Variants in RGPD4 observed in about 807,000 individuals in gnomAD.
The protein encoded by RGPD4 is RANBP2 like and GRIP domain containing 4, also known as ranBP2-like and GRIP domain-containing protein 4.
RGPD4 carries 84 observed loss-of-function variants against 141.1 expected under a neutral mutation model. That is an observed-to-expected ratio of 0.60 (90% confidence interval 0.50 to 0.71). The LOEUF is 0.71. Ranked by LOEUF, RGPD4 falls within the 30% of genes least tolerant of loss-of-function variation. The pLI, the probability that RGPD4 is intolerant of heterozygous loss-of-function variation, is 0.00. For synonymous variants in RGPD4, 298 were observed against 566.8 expected, an observed-to-expected ratio of 0.53 and a Z score of 6.74; for missense variants, 918 against 1,622.4, an observed-to-expected ratio of 0.57 and a Z score of 7.46.
At chr2:107,833,970 G>A (rs959161803) in intron 1 of RGPD4, among the ~76,000 whole-genome samples, 9 of 151,140 alleles carry the variant, frequency 6.0e-5, no homozygotes, top group Middle Eastern at 3.2e-3. Flanking sequence ...TCGAGCCACC[G>A]CACTCCAGCC....
intron 1 of RGPD4, among the ~76,000 whole-genome samples, chr2:107,831,895 T>C (rs1341888692): frequency 1.5e-5 from 2 of 135,188 alleles, no homozygotes; most frequent in Non-Finnish European, 3.2e-5. Flanking sequence ...CTGTACTGGC[T>C]ATTATGCTCC....
Position 107,872,769 on chromosome 2 carries a change from G to A in RGPD4, c.4765G>A (p.Ala1589Thr), listed in dbSNP as rs190948032. 1.7e-5 allele frequency: 27 copies of A among 1,611,388 alleles called. No homozygotes were observed. Among genetic ancestry groups the A allele is most frequent in the Non-Finnish European group, 2.2e-5 (26 of 1,179,840 alleles). ...TAACAACAGTGAAACTAGTTCAGTA[G>A]CCCAGAGTGGATCTGAAAGCAAAGT... ...KSNNSETSSV[A>T]QSGSESKVEP... The change falls in exon 20 of 23, where the codon GCC (alanine) becomes ACC (threonine). Residue 1589 changes from alanine (A) to threonine (T), a missense_variant. Coordinates refer to ENST00000408999, the MANE Select transcript of RGPD4 (RefSeq NM_182588.3).
At chr2:107,857,637 G>A (rs540425782) in intron 9 of RGPD4, among the ~76,000 whole-genome samples, 1 of 151,674 alleles carries the variant, frequency 6.6e-6, no homozygotes, top group East Asian at 1.9e-4. Context: ...GTCTCCCTTT[G>A]TTGCCCAGGC....
At chr2:107,865,317 T>A (rs1323790586) in intron 17 of RGPD4, among the ~76,000 whole-genome samples, 1 of 152,254 alleles carries the variant, frequency 6.6e-6, no homozygotes, top group East Asian at 1.9e-4. Context: ...CAGCTACTAC[T>A]TTTTTCCCTT....
chr2:107,884,845 T>G (rs931897760), intron 22 of RGPD4, among the ~76,000 whole-genome samples: 1 of 152,208 alleles, frequency 6.6e-6, no homozygotes, highest in African/African-American at 2.4e-5. Flanking sequence ...TTCTGCATTT[T>G]TAGCAATTTG....
intron 8 of RGPD4, among the ~76,000 whole-genome samples, chr2:107,856,081 T>G (rs1192630530): frequency 7.4e-6 from 1 of 135,896 alleles, no homozygotes. Context: ...CCTGAGACAG[T>G]CTTACTCTGT....
chr2:107,871,781 G>A lies in RGPD4; in HGVS notation c.3777G>A (p.Leu1259=), dbSNP rs771349971. ...WDNCDLREDA[L]DDSVSSSSVH... ...ACTGTGATTTAAGGGAAGATGCTTT[G>A]GATGATAGTGTCAGTAGTAGCTCAG... Residue 1259 remains leucine (L), a synonymous_variant, in exon 20 of 23, where the codon TTG becomes TTA. Coordinates refer to ENST00000408999, the MANE Select transcript of RGPD4 (RefSeq NM_182588.3). 1 of 1,611,460 alleles carries A rather than the reference G, an allele frequency of 6.2e-7. No individual in the cohort carries two copies.
intron 21 of RGPD4, among the ~76,000 whole-genome samples, chr2:107,881,203 A>G (rs1675352850): frequency 6.6e-6 from 1 of 150,660 alleles, no homozygotes; most frequent in Non-Finnish European, 1.5e-5. Flanking sequence ...ACATTCCACC[A>G]TTAAATACTT....
At chr2:107,835,397 G>T (rs1181577024) in intron 1 of RGPD4, among the ~76,000 whole-genome samples, 1 of 73,754 alleles carries the variant, frequency 1.4e-5, no homozygotes, top group African/African-American at 5.6e-5. Flanking sequence ...TTTGGACTTT[G>T]GAGTTTATGT....
chr2:107,885,761 A>G (rs926267217), intron 22 of RGPD4, among the ~76,000 whole-genome samples: 7 of 152,054 alleles, frequency 4.6e-5, no homozygotes, highest in African/African-American at 1.7e-4. Flanking sequence ...TCTTTAAGAG[A>G]GAGAATGTAA....
rs575477015 is a variant in RGPD4, at chr2:107,883,005, G to A, written c.5266+132G>A. 2.6e-4 allele frequency: 261 copies of A among 1,009,338 alleles called. 3 individuals carry two copies. Among genetic ancestry groups the A allele is most frequent in the South Asian group, 2.0e-3 (146 of 72,576 alleles). 62.5% of individuals were successfully genotyped at this position (1,009,338 alleles called of 1,614,324 possible). A position where few individuals can be genotyped will look rare whatever the true frequency, so the allele number is the denominator to read the frequency against. On this transcript the variant is annotated intron_variant, in intron 22 of 22. Transcript: ENST00000408999. ...ATTGGGTCTGTCATATGAGTAGGCC[G>A]TGACTAGATTTGAAAAGCTGACTTT... is the stretch of plus-strand genomic sequence containing the variant.
In RGPD4 at chr2:107,844,432, T is replaced by A. The variant is rs1248658641; in HGVS notation, c.782+702T>A. 1.1e-4 allele frequency among the ~76,000 whole-genome samples: 16 copies of A among 152,292 alleles called. No homozygotes were observed. The South Asian group carries it at 1.5e-3, about 14-fold the overall frequency. On this transcript the variant is annotated intron_variant, in intron 6 of 22. Transcript: ENST00000408999. ...CTGCTTACATACTACAAGATTGGAGTTGAGTGGTTGCAGCAGAGATTGTAT... is the reference window on the plus strand; with the variant it reads ...CTGCTTACATACTACAAGATTGGAGATGAGTGGTTGCAGCAGAGATTGTAT...
chr2:107,881,291 G>A (rs910739982), intron 21 of RGPD4, among the ~76,000 whole-genome samples: 4 of 149,256 alleles, frequency 2.7e-5, no homozygotes, highest in Non-Finnish European at 4.5e-5. Context: ...AACTAGCCCA[G>A]TAAACCTAAA....
At chr2:107,831,336 A>G (rs1482857846) in intron 1 of RGPD4, among the ~76,000 whole-genome samples, 205 of 141,330 alleles carry the variant, frequency 1.5e-3, no homozygotes, top group Middle Eastern at 3.7e-3. Flanking sequence ...ATTTTTATTT[A>G]TATTTTTTTT....
At chr2:107,835,071 C>CTTT (rs1195678590) in intron 1 of RGPD4, among the ~76,000 whole-genome samples, 8 of 11,632 alleles carry the variant, frequency 6.9e-4, no homozygotes, top group Non-Finnish European at 8.0e-4. Context: ...GTTGTATCAG[C>CTTT]TTTTTTTTTT....
At chr2:107,829,610 G>A (rs1486968265) in intron 1 of RGPD4, among the ~76,000 whole-genome samples, 3 of 152,096 alleles carry the variant, frequency 2.0e-5, no homozygotes, top group Non-Finnish European at 2.9e-5. Context: ...TCCCAGGCGG[G>A]CTCTGTTGAG....
At chr2:107,875,523 C>G (rs1020158881) in intron 20 of RGPD4, among the ~76,000 whole-genome samples, 1 of 142,488 alleles carries the variant, frequency 7.0e-6, no homozygotes, top group African/African-American at 2.7e-5. Context: ...TGCTTCATGA[C>G]TGGCTTACTT....
chr2:107,846,777 A>G (rs1324262102), intron 6 of RGPD4, among the ~76,000 whole-genome samples: 1 of 151,604 alleles, frequency 6.6e-6, no homozygotes, highest in Non-Finnish European at 1.5e-5. Flanking sequence ...CAATAATAGC[A>G]TTTTTTATGA....
chr2:107,871,848 C>T lies in RGPD4; in HGVS notation c.3844C>T (p.Leu1282Phe), dbSNP rs572029556. 1.2e-6 allele frequency: 2 copies of T among 1,611,602 alleles called. No homozygotes were observed. Among genetic ancestry groups the T allele is most frequent in the African/African-American group, 1.3e-5 (1 of 74,590 alleles). ...PLASSPVRKN[L>F]FHFGESTTGS... ...GGCAAGTAGCCCTGTGAGAAAAAATCTTTTCCATTTTGGTGAGTCAACAAC... is the reference window on the plus strand; with the variant it reads ...GGCAAGTAGCCCTGTGAGAAAAAATTTTTTCCATTTTGGTGAGTCAACAAC... Residue 1282 changes from leucine (L) to phenylalanine (F), a missense_variant, in exon 20 of 23, where the codon CTT (leucine) becomes TTT (phenylalanine). Physicochemically the swap from Leu to Phe is conservative, Grantham distance 22. Coordinates refer to ENST00000408999, the MANE Select transcript of RGPD4 (RefSeq NM_182588.3).
Sources: gnomAD v4.1 joint callset for allele counts (sites outside exome capture counted in the v4.1 genomes callset) on GRCh38, gnomAD v4.1.1 for gene constraint, MANE v1.5 for transcripts, NCBI Gene and HGNC (gene_info 2026-07-23, HGNC 2026-07-21) for gene names.